The following EIF4ENIF1 variants were observed in gnomAD, a reference collection of about 807,000 sequenced individuals.
EIF4ENIF1 encodes the protein eukaryotic translation initiation factor 4E nuclear import factor 1.
Under a neutral mutation model 110.5 loss-of-function variants are expected in EIF4ENIF1, and 23 were observed. The observed-to-expected ratio is 0.21, with a 90% CI of 0.15 to 0.29. EIF4ENIF1 has a LOEUF of 0.29. EIF4ENIF1 is among the 10% of genes least tolerant of loss of function. The pLI is 1.00. For missense variants in EIF4ENIF1, 1,031 were observed against 1,221.1 expected, an observed-to-expected ratio of 0.84 and a Z score of 2.32; for synonymous variants, 440 against 437.0, an observed-to-expected ratio of 1.01 and a Z score of -0.09.
intron 1 of EIF4ENIF1, chr22:31,489,202 G>A (rs2052162536): frequency 6.4e-6 from 1 of 155,138 alleles, no homozygotes; most frequent in African/African-American, 2.4e-5. Flanking sequence ...CTGGGGACGG[G>A]GCCCGAGCGC....
At chr22:31,454,436 T>C in intron 9 of EIF4ENIF1, 60 bp from the exon 10 acceptor site, 2 of 1,424,186 alleles carry the variant, frequency 1.4e-6, no homozygotes, top group South Asian at 2.3e-5. Context: ...AGGAATTCTC[T>C]TTGGCTAGTA....
intron 2 of EIF4ENIF1, chr22:31,479,479 G>A (rs1047173996): frequency 1.3e-5 from 2 of 151,814 alleles, no homozygotes; most frequent in East Asian, 1.9e-4. Context: ...ATGTGCTGCC[G>A]AAGCAAGCAT....
At chr22:31,446,904 G>A in intron 14 of EIF4ENIF1, 2 of 423,478 alleles carry the variant, frequency 4.7e-6, no homozygotes, top group Non-Finnish European at 9.5e-6. Context: ...AGTGAACTCA[G>A]TACTCTACTT....
Position 31,488,638 on chromosome 22 carries a change from G to A in EIF4ENIF1, c.81C>T (p.Pro27=), listed in dbSNP as rs1180446157. The stretch of plus-strand genomic sequence containing the variant: ...CAAACCTTACTTTTGTATAGCGATG[G>A]GGGCATTTGGAGGCAGGAGGCTTCT... ...DLKKPPASKC[P]HRYTKEELLD... The change falls in exon 2 of 19, where the codon CCC becomes CCT. Residue 27 remains proline, a synonymous_variant. Coordinates refer to ENST00000330125, the MANE Select transcript of EIF4ENIF1 (RefSeq NM_019843.4). The A allele has an allele frequency of 2.5e-6, 4 of 1,613,712 alleles. No individual in the cohort carries two copies. Among genetic ancestry groups the A allele is most frequent in the Admixed American group, 3.3e-5 (2 of 59,966 alleles).
chr22:31,462,134 C>T (rs1171955369), intron 6 of EIF4ENIF1, among the ~76,000 whole-genome samples: 1 of 152,044 alleles, frequency 6.6e-6, no homozygotes, highest in East Asian at 1.9e-4. Context: ...TTTAGTGTGG[C>T]AGGCAGAACG....
intron 2 of EIF4ENIF1, among the ~76,000 whole-genome samples, chr22:31,482,199 A>G (rs2051843086): frequency 6.6e-6 from 1 of 152,024 alleles, no homozygotes; most frequent in South Asian, 2.1e-4. Flanking sequence ...ATGAAGTTAA[A>G]CTAAGATAAT....
At position 31,488,761 on chromosome 22, in the gene EIF4ENIF1, G is replaced by C. The variant is rs2052142125; in HGVS notation, c.-27-16C>G. On this transcript the variant is annotated splice_polypyrimidine_tract_variant and intron_variant, in intron 1 of 18. Coordinates refer to ENST00000330125, the MANE Select transcript of EIF4ENIF1 (RefSeq NM_019843.4). ...TGCTCTGCACCTGGAAGATAAATCG[G>C]CACAAAATTGTCACCGAGAACAGTA... is the stretch of plus-strand genomic sequence containing the variant. 6.3e-7 allele frequency: 1 copy of C among 1,582,358 alleles called. No homozygotes were observed. The highest frequency in any genetic ancestry group is 1.2e-5 in the South Asian group (1 of 86,928).
At chr22:31,456,611 T>C (rs986786434) in intron 7 of EIF4ENIF1, among the ~76,000 whole-genome samples, 2 of 152,104 alleles carry the variant, frequency 1.3e-5, no homozygotes, top group Non-Finnish European at 2.9e-5. Context: ...GCCTCCCAGG[T>C]TCAAGTGATT....
chr22:31,477,895 A>G (rs1655573372), intron 2 of EIF4ENIF1, among the ~76,000 whole-genome samples: 1 of 152,232 alleles, frequency 6.6e-6, no homozygotes, highest in South Asian at 2.1e-4. Context: ...AATCAGTTCC[A>G]TGGTGTCAAG....
chr22:31,456,502 C>T (rs542787308), intron 7 of EIF4ENIF1, among the ~76,000 whole-genome samples: 114 of 151,956 alleles, frequency 7.5e-4, no homozygotes, highest in African/African-American at 2.3e-3. Context: ...GGATTACAAG[C>T]ATGAGCCACC....
At chr22:31,440,436 C>T (rs986304976) in intron 18 of EIF4ENIF1, among the ~76,000 whole-genome samples, 2 of 152,148 alleles carry the variant, frequency 1.3e-5, no homozygotes, top group Non-Finnish European at 2.9e-5. Context: ...GGATGCTGAA[C>T]CTCTGTTGGA....
intron 3 of EIF4ENIF1, among the ~76,000 whole-genome samples, chr22:31,469,782 T>A (rs561539398): frequency 6.6e-6 from 1 of 152,274 alleles, no homozygotes; most frequent in African/African-American, 2.4e-5. Flanking sequence ...AGCCTGAAAC[T>A]TCTGGACTCA....
rs142545364 is a variant in EIF4ENIF1, at chr22:31,440,093, A to G, written c.2745T>C (p.His915=). ...SVLHPPGSGS[H]AAAVSVQTTP... is the part of the protein sequence containing the mutation. Reference sequence around the variant, plus strand: ...TTGTCTGAACGCTGACAGCTGCTGCATGGGAACCAGAGCCTGGAGGATGCA... The same window carrying G: ...TTGTCTGAACGCTGACAGCTGCTGCGTGGGAACCAGAGCCTGGAGGATGCA... Residue 915 remains histidine (H), a synonymous_variant, in exon 19 of 19, where the codon CAT becomes CAC. Coordinates refer to ENST00000330125, the MANE Select transcript of EIF4ENIF1 (RefSeq NM_019843.4). 141 of 1,614,168 alleles carry G rather than the reference A, an allele frequency of 8.7e-5. No individual in the cohort carries two copies. The African/African-American group carries it at 1.7e-3, about 19-fold the overall frequency.
Position 31,447,551 on chromosome 22 carries a change from C to T in EIF4ENIF1, c.1863G>A (p.Glu621=), listed in dbSNP as rs767735175. Residue 621 remains glutamate (E), a synonymous_variant, in exon 14 of 19, where the codon GAG becomes GAA. Transcript: ENST00000330125. ...SPITAQMSQL[E]LQQAALEGLA... ...GCCCTTCTAAAGCTGCCTGTTGCAA[C>T]TCCAGCTGGCTCATCTGCTGAAAAG... The T allele has an allele frequency of 6.2e-7, 1 of 1,604,152 alleles. No individual in the cohort carries two copies. Among genetic ancestry groups the T allele is most frequent in the South Asian group, 1.1e-5 (1 of 90,200 alleles).
intron 2 of EIF4ENIF1, among the ~76,000 whole-genome samples, chr22:31,473,446 T>C (rs2051459289): frequency 4.6e-5 from 7 of 152,222 alleles, no homozygotes; most frequent in Admixed American, 3.9e-4. Flanking sequence ...TTTATATTGA[T>C]CTTCCCCCTC....
intron 2 of EIF4ENIF1, among the ~76,000 whole-genome samples, chr22:31,477,672 C>T (rs969894773): frequency 2.6e-5 from 4 of 152,182 alleles, no homozygotes; most frequent in Non-Finnish European, 5.9e-5. Context: ...TGACATTAAC[C>T]ACACCAGCAA....
chr22:31,457,653 T>A (rs1349530498), intron 7 of EIF4ENIF1, among the ~76,000 whole-genome samples: 1 of 152,210 alleles, frequency 6.6e-6, no homozygotes, highest in East Asian at 1.9e-4. Context: ...TGGAAGAATG[T>A]TTTCATAATC....
chr22:31,492,628 ACTT>A (rs1418545971), upstream of EIF4ENIF1, among the ~76,000 whole-genome samples: 1 of 152,186 alleles, frequency 6.6e-6, no homozygotes, highest in African/African-American at 2.4e-5. Context: ...GCTTCCCTAA[ACTT>A]CTTTCACCTG....
chr22:31,472,801 T>C (rs2051429364), intron 2 of EIF4ENIF1, among the ~76,000 whole-genome samples: 1 of 152,172 alleles, frequency 6.6e-6, no homozygotes, highest in Admixed American at 6.5e-5. Flanking sequence ...ACCTCAAGTA[T>C]TTATCCTTCC....
Sources: allele counts gnomAD v4.1 joint callset (sites outside exome capture counted in the v4.1 genomes callset), GRCh38; gene constraint gnomAD v4.1.1; transcripts MANE v1.5; gene names NCBI Gene and HGNC (gene_info 2026-07-23, HGNC 2026-07-21).